KAZN: variants seen among roughly 807,000 people sequenced by gnomAD.
The protein encoded by KAZN is kazrin.
KAZN carries 40 observed loss-of-function variants against 87.4 expected under a neutral mutation model. That is an observed-to-expected ratio of 0.46 (90% CI 0.36 to 0.60). The LOEUF (loss-of-function observed/expected upper bound fraction) is 0.60. Among genes scored for constraint, KAZN ranks in the 20% least tolerant of loss-of-function variants. The pLI, the probability that KAZN is intolerant of heterozygous loss-of-function variation, is 0.00. For synonymous variants in KAZN, 466 were observed against 458.3 expected (o/e 1.02, Z -0.22); for missense variants, 898 against 1,073.9 (o/e 0.84, Z 2.29).
intron 2 of KAZN, among the ~76,000 whole-genome samples, chr1:14,508,165 T>G (rs1416748896): frequency 6.6e-6 from 1 of 152,070 alleles, no homozygotes; most frequent in Non-Finnish European, 1.5e-5. Context: ...GACTCTGGCT[T>G]AAATGACATT....
At chr1:14,525,777 A>C (rs1671831518) in intron 2 of KAZN, among the ~76,000 whole-genome samples, 2 of 152,258 alleles carry the variant, frequency 1.3e-5, no homozygotes, top group South Asian at 4.1e-4. Flanking sequence ...ATATAGCATG[A>C]ATATTTATGC....
chr1:14,048,495 T>A (rs1175852919), intron 1 of KAZN, among the ~76,000 whole-genome samples: 1 of 151,768 alleles, frequency 6.6e-6, no homozygotes, highest in Non-Finnish European at 1.5e-5. Context: ...CCTCTACCTC[T>A]GGGATTCAAA....
At chr1:14,797,058 G>C (rs1645850384) in intron 1 of KAZN, among the ~76,000 whole-genome samples, 1 of 152,084 alleles carries the variant, frequency 6.6e-6, no homozygotes, top group South Asian at 2.1e-4. Context: ...GGGTTTTTTT[G>C]TTTTTTGGTT....
intron 2 of KAZN, among the ~76,000 whole-genome samples, chr1:14,285,156 T>C (rs1315486939): frequency 6.6e-6 from 1 of 152,178 alleles, no homozygotes; most frequent in Non-Finnish European, 1.5e-5. Flanking sequence ...GTCGGTAAAG[T>C]GTTGCATAGA....
chr1:14,681,637 ATATATATATATATATATATATTTT>A (rs1640620275), intron 1 of KAZN, among the ~76,000 whole-genome samples: 6 of 18,984 alleles, frequency 3.2e-4, no homozygotes, highest in South Asian at 1.7e-3. Context: ...ATATATATAT[ATATATATATATATATATATATTTT>A]TTTTTTTTTT....
chr1:14,441,320 T>G (rs910094341), intron 2 of KAZN, among the ~76,000 whole-genome samples: 3 of 152,038 alleles, frequency 2.0e-5, no homozygotes, highest in Non-Finnish European at 4.4e-5. Context: ...GAACTTCCAT[T>G]AGCATTATCT....
chr1:14,189,930 G>C (rs1646389657), intron 2 of KAZN, among the ~76,000 whole-genome samples: 1 of 152,100 alleles, frequency 6.6e-6, no homozygotes, highest in South Asian at 2.1e-4. Flanking sequence ...TTCTGTTTTG[G>C]AAAGACTGCT....
At chr1:14,692,454 A>G in intron 1 of KAZN, 1 of 234,412 alleles carries the variant, frequency 4.3e-6, no homozygotes, top group Non-Finnish European at 8.3e-6. Context: ...TTCTTGTAAT[A>G]TCATGACTTT....
At chr1:14,947,127 T>C (rs1484387134) in intron 1 of KAZN, among the ~76,000 whole-genome samples, 1 of 152,206 alleles carries the variant, frequency 6.6e-6, no homozygotes, top group East Asian at 1.9e-4. Context: ...CTCCCGGCCG[T>C]TGTAAGGCCG....
At chr1:14,629,643 T>C (rs181882244) in intron 1 of KAZN, among the ~76,000 whole-genome samples, 147 of 152,254 alleles carry the variant, frequency 9.7e-4, no homozygotes, top group Non-Finnish European at 8.4e-4. Flanking sequence ...GCTTCCTTGT[T>C]CACATCCACT....
chr1:14,128,056 G>A (rs768894445), intron 1 of KAZN, among the ~76,000 whole-genome samples: 1 of 152,202 alleles, frequency 6.6e-6, no homozygotes, highest in Non-Finnish European at 1.5e-5. Context: ...AGTGGGATTG[G>A]AGTAGAAAAG....
chr1:14,475,887 C>G (rs1668695504), intron 2 of KAZN, among the ~76,000 whole-genome samples: 1 of 151,978 alleles, frequency 6.6e-6, no homozygotes, highest in South Asian at 2.1e-4. Flanking sequence ...AGAAAGAAAG[C>G]CTTCGGAAGG....
chr1:14,875,291 A>G (rs923150501), intron 1 of KAZN, among the ~76,000 whole-genome samples: 6 of 143,742 alleles, frequency 4.2e-5, no homozygotes, highest in Admixed American at 7.6e-5. Flanking sequence ...AGATCATGCC[A>G]TTGCACTCCA....
intron 2 of KAZN, among the ~76,000 whole-genome samples, chr1:14,384,347 A>G (rs1446458405): frequency 6.6e-6 from 1 of 152,066 alleles, no homozygotes; most frequent in Non-Finnish European, 1.5e-5. Flanking sequence ...AACTTCCAAC[A>G]CTATGTTGAA....
chr1:14,321,391 G>A (rs1359209657), intron 2 of KAZN, among the ~76,000 whole-genome samples: 1 of 152,122 alleles, frequency 6.6e-6, no homozygotes, highest in Non-Finnish European at 1.5e-5. Context: ...ATATCCAAAT[G>A]GGAGTCTTTG....
chr1:14,655,062 C>T (rs1309270057), intron 1 of KAZN, among the ~76,000 whole-genome samples: 1 of 152,234 alleles, frequency 6.6e-6, no homozygotes, highest in Non-Finnish European at 1.5e-5. Flanking sequence ...CCCAGAGTTA[C>T]TGACTCAGAA....
intron 1 of KAZN, among the ~76,000 whole-genome samples, chr1:14,648,289 T>A (rs1680959549): frequency 6.6e-6 from 1 of 152,228 alleles, no homozygotes; most frequent in Non-Finnish European, 1.5e-5. Flanking sequence ...CCCCATCAAC[T>A]TTCTTGTATG....
rs185596546 is a variant in KAZN, at chr1:14,701,348, C to T, written c.226+102125C>T. Among the ~76,000 whole-genome samples, 1,252 of 152,294 alleles carry T rather than the reference C, an allele frequency of 8.2e-3. 22 individuals are homozygous for T. Among genetic ancestry groups the T allele is most frequent in the African/African-American group, 0.028 (1,172 of 41,568 alleles). Reference sequence around the variant, plus strand: ...TTCTCACTATGTTTCCCAGGCTGGTCGTGAACTCCTGGACTCAAGCTGTCG... The same window carrying T: ...TTCTCACTATGTTTCCCAGGCTGGTTGTGAACTCCTGGACTCAAGCTGTCG... On this transcript the variant is annotated intron_variant, in intron 1 of 14. Transcript: ENST00000376030.
chr1:14,149,599 G>A (rs1197141701), intron 1 of KAZN, among the ~76,000 whole-genome samples: 1 of 152,032 alleles, frequency 6.6e-6, no homozygotes, highest in Non-Finnish European at 1.5e-5. Flanking sequence ...GTTTTCATCG[G>A]TCACCACTAC....
Sources: allele counts gnomAD v4.1 joint callset (sites outside exome capture counted in the v4.1 genomes callset), GRCh38; gene constraint gnomAD v4.1.1; transcripts MANE v1.5; gene names NCBI Gene and HGNC (gene_info 2026-07-23, HGNC 2026-07-21).